RERE: variants seen among roughly 807,000 people sequenced by gnomAD.
The protein encoded by RERE is arginine-glutamic acid dipeptide repeats.
In RERE, 40 loss-of-function variants were observed where a neutral mutation model predicts 146.1. The observed-to-expected ratio is 0.27, with a 90% CI of 0.21 to 0.36. RERE has a LOEUF of 0.36. RERE is among the 10% of genes least tolerant of loss of function. The pLI, the probability that RERE is intolerant of heterozygous loss-of-function variation, is 1.00. For synonymous variants in RERE, 1,003 were observed against 866.0 expected, an observed-to-expected ratio of 1.16 and a Z score of -2.78; for missense variants, 1,933 against 2,138.7, an observed-to-expected ratio of 0.90 and a Z score of 1.90.
intron 12 of RERE, among the ~76,000 whole-genome samples, chr1:8,370,797 T>C (rs1479899593): frequency 1.3e-5 from 2 of 152,220 alleles, no homozygotes; most frequent in Admixed American, 6.5e-5. Context: ...AGAGACCCGC[T>C]GCACATAAAT....
intron 7 of RERE, among the ~76,000 whole-genome samples, chr1:8,520,749 CTT>C (rs34177564): frequency 0.24 from 26,786 of 111,780 alleles, 4,187 homozygotes; most frequent in East Asian, 0.75. Context: ...AGCCAAAAAA[CTT>C]TTTAAAAAAA....
intron 2 of RERE, among the ~76,000 whole-genome samples, chr1:8,655,281 A>G (rs1161308728): frequency 6.8e-6 from 1 of 148,084 alleles, no homozygotes; most frequent in African/African-American, 2.5e-5. Context: ...ATCTCGGCTG[A>G]CTGCAACCTC....
At chr1:8,730,380 T>C (rs1481232870) in intron 1 of RERE, among the ~76,000 whole-genome samples, 1 of 152,210 alleles carries the variant, frequency 6.6e-6, no homozygotes, top group Admixed American at 6.5e-5. Flanking sequence ...TCTCGCTCTG[T>C]TGCCCAGGCT....
intron 1 of RERE, among the ~76,000 whole-genome samples, chr1:8,695,624 G>A (rs950425826): frequency 5.4e-5 from 8 of 146,928 alleles, no homozygotes; most frequent in Non-Finnish European, 1.2e-4. Context: ...AGCCAGGCAT[G>A]GTAGTGAGCG....
At chr1:8,529,983 A>T (rs966736664) in intron 7 of RERE, among the ~76,000 whole-genome samples, 4 of 152,136 alleles carry the variant, frequency 2.6e-5, no homozygotes, top group African/African-American at 9.7e-5. Flanking sequence ...TCTCTTGAAC[A>T]CGGGCTGCCT....
chr1:8,354,145 G>A lies in RERE; in HGVS notation c.*942C>T, dbSNP rs1252838469. ...AGGCCCATGCGCTTTCCATCCCGTGGAAACAGAACAGTGACACTGGAGAAC... is the reference window on the plus strand; with the variant it reads ...AGGCCCATGCGCTTTCCATCCCGTGAAAACAGAACAGTGACACTGGAGAAC... On this transcript the variant is annotated 3_prime_UTR_variant, in exon 23 of 23. Transcript: ENST00000400908. 2.0e-5 allele frequency: 3 copies of A among 152,492 alleles called. No homozygotes were observed. The highest frequency in any genetic ancestry group is 4.4e-5 in the Non-Finnish European group (3 of 68,048). 9.4% of individuals were successfully genotyped at this position (152,492 alleles called of 1,614,324 possible).
In RERE at chr1:8,364,905, T is replaced by TG; in HGVS notation, c.1448-68dup. The TG allele has an allele frequency of 2.4e-4, 4 of 16,744 alleles. No homozygotes were observed. Among genetic ancestry groups the TG allele is most frequent in the Admixed American group, 1.8e-3 (1 of 556 alleles). The allele number at this position is 16,744 out of a possible 1,614,324, so 1.0% of individuals were successfully genotyped here. A position where few individuals can be genotyped will look rare whatever the true frequency, so the allele number is the denominator to read the frequency against. ...TCATGCTCAGCCAAGGCTGGGCCGG[T>TG]GGGGTGGGGGGGAGGGGGGAACACC... is the stretch of plus-strand genomic sequence containing the variant. On this transcript the variant is annotated intron_variant, in intron 13 of 22. Transcript: ENST00000400908. This position sits in a 1 kb window ranked among gnomAD's most constrained non-coding sequence, Gnocchi z 5.1.
intron 2 of RERE, among the ~76,000 whole-genome samples, chr1:8,654,973 G>T (rs565698190): frequency 1.3e-5 from 2 of 152,178 alleles, no homozygotes; most frequent in South Asian, 4.2e-4. Flanking sequence ...AAAAGGAAAG[G>T]CTTTGCTAGT....
Position 8,359,963 on chromosome 1 carries a change from C to T in RERE, c.3419G>A (p.Gly1140Asp). 1 of 1,612,950 alleles carries T rather than the reference C, an allele frequency of 6.2e-7. No individual in the cohort carries two copies. Among genetic ancestry groups the T allele is most frequent in the Non-Finnish European group, 8.5e-7 (1 of 1,180,028 alleles). ...SARFYKHLDRGYNSCARTDLY... is the reference protein window; with the variant it reads ...SARFYKHLDRDYNSCARTDLY... Reference sequence around the variant, plus strand: ...GTCTGTCCGGGCACACGAGTTGTAGCCCCGGTCCAGGTGTTTGTAGAACCT... The same window carrying T: ...GTCTGTCCGGGCACACGAGTTGTAGTCCCGGTCCAGGTGTTTGTAGAACCT... Residue 1140 changes from glycine (G) to aspartate (D), a missense_variant, in exon 19 of 23, where the codon GGC becomes GAC. Gly to Asp is a moderately conservative substitution (Grantham distance 94). This residue lies in a region of RERE where 1,255 missense variants were observed against 1,153.8 expected (regional missense o/e 1.09). Coordinates refer to ENST00000400908, the MANE Select transcript of RERE (RefSeq NM_001042681.2).
intron 1 of RERE, among the ~76,000 whole-genome samples, chr1:8,772,205 T>C (rs1192514728): frequency 6.6e-6 from 1 of 152,208 alleles, no homozygotes; most frequent in East Asian, 1.9e-4. Context: ...TATTGAAATA[T>C]ATACTCAATT....
In RERE at chr1:8,353,291, G is replaced by A. The variant is rs1039939518; in HGVS notation, c.*1796C>T. The stretch of plus-strand genomic sequence containing the variant: ...GCCTATCCCAACTGAAACCAAACAC[G>A]GTTTTTAAGAGAAACTGGAAATGTC... On this transcript the variant is annotated 3_prime_UTR_variant, in exon 23 of 23. Coordinates refer to ENST00000400908, the MANE Select transcript of RERE (RefSeq NM_001042681.2). 1.3e-5 allele frequency: 2 copies of A among 152,348 alleles called. No individual in the cohort carries two copies. The highest frequency in any genetic ancestry group is 2.4e-5 in the African/African-American group (1 of 41,448). 9.4% of individuals were successfully genotyped at this position (152,348 alleles called of 1,614,324 possible).
At chr1:8,795,800 T>C (rs998088654) in intron 1 of RERE, among the ~76,000 whole-genome samples, 3 of 152,036 alleles carry the variant, frequency 2.0e-5, no homozygotes, top group Admixed American at 1.3e-4. Flanking sequence ...CTGACCAACA[T>C]GGAGAAACTC....
At chr1:8,813,376 G>A (rs1346280309) in intron 1 of RERE, among the ~76,000 whole-genome samples, 1 of 152,106 alleles carries the variant, frequency 6.6e-6, no homozygotes, top group Admixed American at 6.5e-5. Flanking sequence ...AACTTGGTAT[G>A]TCCAACTTAT....
chr1:8,630,862 G>A (rs1647026908), intron 2 of RERE, among the ~76,000 whole-genome samples: 1 of 152,186 alleles, frequency 6.6e-6, no homozygotes, highest in Non-Finnish European at 1.5e-5. Flanking sequence ...AAAATCAGCT[G>A]CATCATCTTA....
intron 1 of RERE, among the ~76,000 whole-genome samples, chr1:8,675,497 A>C (rs1487111918): frequency 1.2e-4 from 3 of 25,638 alleles, no homozygotes; most frequent in African/African-American, 4.1e-4. Flanking sequence ...CATCTCTACA[A>C]AAAAAAAAAA....
chr1:8,707,534 T>C (rs147622310), intron 1 of RERE, among the ~76,000 whole-genome samples: 239 of 151,838 alleles, frequency 1.6e-3, no homozygotes, highest in African/African-American at 5.4e-3. Context: ...GCAAGGAAAC[T>C]GCATTTTTAC....
chr1:8,541,081 T>G (rs1047863723), intron 7 of RERE, 133 bp downstream of exon 7: 3 of 437,684 alleles, frequency 6.9e-6, no homozygotes, highest in Non-Finnish European at 1.2e-5. Flanking sequence ...TGAAGGACTC[T>G]GGAGTCATTT....
chr1:8,507,187 T>C (rs888330680), intron 8 of RERE, among the ~76,000 whole-genome samples: 2 of 152,322 alleles, frequency 1.3e-5, no homozygotes, highest in South Asian at 4.1e-4. Flanking sequence ...CAGGTTGGAC[T>C]GCTTCAGCCC....
At chr1:8,717,051 T>G (rs1260941343) in intron 1 of RERE, among the ~76,000 whole-genome samples, 1 of 152,232 alleles carries the variant, frequency 6.6e-6, no homozygotes, top group Non-Finnish European at 1.5e-5. Context: ...ATAATTTTAG[T>G]ATGTATAAAT....
Sources: gnomAD v4.1 joint callset for allele counts (sites outside exome capture counted in the v4.1 genomes callset) on GRCh38, gnomAD v4.1.1 for gene constraint, gnomAD v4.1.1 regional missense constraint, Gnocchi (gnomAD v3.1) non-coding constraint, MANE v1.5 for transcripts, NCBI Gene and HGNC (gene_info 2026-07-23, HGNC 2026-07-21) for gene names.